Variants in TTC34 observed in about 807,000 individuals in gnomAD.
The protein encoded by TTC34 is tetratricopeptide repeat protein 34.
Under a neutral mutation model 40.7 loss-of-function variants are expected in TTC34, and 44 were observed. The ratio of observed to expected loss-of-function variants is 1.08; its 90% CI spans 0.85 to 1.39. The LOEUF (loss-of-function observed/expected upper bound fraction) is 1.39. Ranked by LOEUF, TTC34 falls within the 40% of genes most tolerant of loss-of-function variation. The pLI is 0.00. For synonymous variants in TTC34, 422 were observed against 398.6 expected (o/e 1.06, Z -0.70); for missense variants, 884 against 838.0 (o/e 1.05, Z -0.68).
At chr1:2,692,603 CTGCCT>C (rs1640675569) in intron 6 of TTC34, among the ~76,000 whole-genome samples, 2 of 140,532 alleles carry the variant, frequency 1.4e-5, no homozygotes, top group Admixed American at 7.1e-5. Context: ...GAGCATCTGA[CTGCCT>C]GGAACAGCAC....
At chr1:2,789,755 C>T (rs1643640429) in exon 3 of TTC34, 3 of 676,014 alleles carry the variant, frequency 4.4e-6, no homozygotes, top group Non-Finnish European at 6.6e-6. Context: ...CAGCAGTCCC[C>T]GGCCGCACAG....
intron 6 of TTC34, among the ~76,000 whole-genome samples, chr1:2,691,535 A>AAC (rs1640617265): frequency 1.1e-5 from 1 of 94,170 alleles, no homozygotes; most frequent in Non-Finnish European, 2.5e-5. Context: ...CTGGAACAGA[A>AAC]CCCACACCCC....
intron 5 of TTC34, 56 bp from the exon 6 acceptor site, chr1:2,783,831 A>G (rs1643529672): frequency 2.2e-6 from 3 of 1,374,420 alleles, no homozygotes; most frequent in Non-Finnish European, 2.9e-6. Context: ...CTTCCCCAGC[A>G]TCTATCCTGC....
chr1:2,768,028 A>G (rs146341614), intron 6 of TTC34, among the ~76,000 whole-genome samples: 2,726 of 150,876 alleles, frequency 0.018, 114 homozygotes, highest in Non-Finnish European at 0.026. Flanking sequence ...CTGACAGCAT[A>G]AAACAGCACC....
intron 6 of TTC34, among the ~76,000 whole-genome samples, chr1:2,649,097 A>G (rs910126592): frequency 2.0e-5 from 3 of 151,418 alleles, no homozygotes; most frequent in African/African-American, 7.3e-5. Context: ...CCAGGTGAGC[A>G]TCTTCCAGCC....
chr1:2,647,898 A>C (rs1419160602), intron 6 of TTC34, among the ~76,000 whole-genome samples: 1 of 152,016 alleles, frequency 6.6e-6, no homozygotes, highest in Non-Finnish European at 1.5e-5. Flanking sequence ...ACTTGAGTTC[A>C]CTAATCCTGC....
At chr1:2,690,984 T>G (rs75561862) in intron 6 of TTC34, among the ~76,000 whole-genome samples, 1 of 27,070 alleles carries the variant, frequency 3.7e-5, no homozygotes, top group African/African-American at 1.3e-4. Flanking sequence ...CCCACACCCC[T>G]AGGAGAGCAT....
intron 8 of TTC34, among the ~76,000 whole-genome samples, chr1:2,643,396 C>G (rs1638953076): frequency 6.6e-6 from 1 of 152,240 alleles, no homozygotes; most frequent in Non-Finnish European, 1.5e-5. Context: ...GACCCGCGTC[C>G]AGCCCCGCCT....
At chr1:2,756,662 C>CTGCA (rs1641516199) in intron 6 of TTC34, among the ~76,000 whole-genome samples, 1 of 116,964 alleles carries the variant, frequency 8.5e-6, no homozygotes, top group Non-Finnish European at 1.9e-5. Flanking sequence ...GAACAGCACC[C>CTGCA]ACACCCCCAG....
intron 6 of TTC34, among the ~76,000 whole-genome samples, chr1:2,653,989 A>G (rs1350990168): frequency 6.6e-6 from 1 of 151,160 alleles, no homozygotes; most frequent in Non-Finnish European, 1.5e-5. Context: ...AGCATCGGAG[A>G]GTCTGGAGCA....
At chr1:2,753,089 C>CCTG (rs1641379422) in intron 6 of TTC34, among the ~76,000 whole-genome samples, 1 of 134,932 alleles carries the variant, frequency 7.4e-6, no homozygotes, top group Non-Finnish European at 1.6e-5. Flanking sequence ...GGAACGGCAA[C>CCTG]CACACCCCCA....
intron 6 of TTC34, among the ~76,000 whole-genome samples, chr1:2,699,932 CA>C (rs1329805512): frequency 5.5e-5 from 4 of 72,490 alleles, no homozygotes; most frequent in African/African-American, 1.5e-4. Context: ...AGCTCCCACA[CA>C]CCCAGGTAAG....
At chr1:2,687,019 C>A (rs377702230) in intron 6 of TTC34, among the ~76,000 whole-genome samples, 1 of 122,664 alleles carries the variant, frequency 8.2e-6, no homozygotes, top group African/African-American at 3.4e-5. Flanking sequence ...GGTGAGCATT[C>A]GACAGCCTGG....
At chr1:2,682,089 C>T (rs1426247535) in intron 6 of TTC34, among the ~76,000 whole-genome samples, 1 of 134,618 alleles carries the variant, frequency 7.4e-6, no homozygotes, top group Admixed American at 7.2e-5. Flanking sequence ...ATCTGACAGC[C>T]TGGAGCAGCA....
rs569655125 is a variant in TTC34 at position 2,777,285 on chromosome 1, C to T, written c.2226+6324G>A. Among the ~76,000 whole-genome samples, 1,051 of 134,868 alleles carry T rather than the reference C, an allele frequency of 7.8e-3. 23 individuals carry two copies. Among genetic ancestry groups the T allele is most frequent in the African/African-American group, 0.028 (970 of 34,900 alleles). 88.5% of individuals were successfully genotyped at this position (134,868 alleles called of 152,430 possible). A position where few individuals can be genotyped will look rare whatever the true frequency, so the allele number is the denominator to read the frequency against. On this transcript the variant is annotated intron_variant, in intron 6 of 8. Transcript: ENST00000401095. The stretch of plus-strand genomic sequence containing the variant: ...GAGCATCTGACAACCTGGAGCAGCA[C>T]CCCACACCTCCAGGGGAGCATCTGA...
In TTC34 at chr1:2,650,900, C is replaced by T. The variant is rs541067342; in HGVS notation, c.2227-5337G>A. Among the ~76,000 whole-genome samples, 480 of 149,720 alleles carry T rather than the reference C, an allele frequency of 3.2e-3. 4 individuals carry two copies. In the South Asian group the frequency reaches 0.033, roughly 10 times the overall value. On this transcript the variant is annotated intron_variant, in intron 6 of 8. Coordinates refer to ENST00000401095, the Ensembl canonical transcript of TTC34. Reference sequence around the variant, plus strand: ...GAGCAGCTGACAGGCTGCAACAGCACCCACACCCCCAGGTGAGCATCTGAC... The same window carrying T: ...GAGCAGCTGACAGGCTGCAACAGCATCCACACCCCCAGGTGAGCATCTGAC...
At chr1:2,648,700 C>A (rs770278603) in intron 6 of TTC34, among the ~76,000 whole-genome samples, 13 of 146,966 alleles carry the variant, frequency 8.8e-5, no homozygotes, top group Non-Finnish European at 1.6e-4. Context: ...TGGAATAGAA[C>A]CCCACACCCA....
rs1643639800 is a variant in TTC34, at chr1:2,789,691, G to T, written c.1440C>A (p.Cys480Ter). The T allele has an allele frequency of 1.6e-6, 2 of 1,218,522 alleles. No individual in the cohort carries two copies. The highest frequency in any genetic ancestry group is 4.0e-5 in the South Asian group (2 of 50,504). 75.5% of individuals were successfully genotyped at this position (1,218,522 alleles called of 1,614,324 possible). The change falls in exon 3 of 9, where the codon TGC becomes TGA. Residue 480 changes from cysteine (C) to a stop codon, truncating the protein, a stop_gained. Transcript: ENST00000401095. LOFTEE classifies it high-confidence loss of function. The stretch of plus-strand genomic sequence containing the variant: ...GCAGCGCCTCCTCGGGCCGCAGCCT[G>T]CAGGCGGTGACATAGTCCAGCGTGC...
chr1:2,697,660 CTGACCG>C (rs1640929849), intron 6 of TTC34, among the ~76,000 whole-genome samples: 1 of 126,246 alleles, frequency 7.9e-6, no homozygotes, highest in African/African-American at 2.9e-5. Flanking sequence ...AGGTGAGCAT[CTGACCG>C]CATGGAATGG....
Sources: gnomAD v4.1 joint callset for allele counts (sites outside exome capture counted in the v4.1 genomes callset) on GRCh38, gnomAD v4.1.1 for gene constraint, MANE v1.5 for transcripts, NCBI Gene and HGNC (gene_info 2026-07-23, HGNC 2026-07-21) for gene names.